ULK4: variants seen among roughly 807,000 people sequenced by gnomAD.
The protein encoded by ULK4 is inactive serine/threonine-protein kinase ULK4.
ULK4 carries 133 observed loss-of-function variants against 160.6 expected under a neutral mutation model. The observed-to-expected ratio is 0.83, with a 90% CI of 0.72 to 0.96. The LOEUF is 0.96. Among genes scored for constraint, ULK4 ranks in the 40% least tolerant of loss-of-function variants. The pLI, the probability that ULK4 is intolerant of heterozygous loss-of-function variation, is 0.00. For missense variants in ULK4, 1,580 were observed against 1,499.5 expected (o/e 1.05, Z -0.89); for synonymous variants, 534 against 539.8 (o/e 0.99, Z 0.15).
intron 23 of ULK4, 73 bp downstream of exon 23, chr3:41,717,655 A>C (rs907008190): frequency 1.3e-6 from 2 of 1,545,282 alleles, no homozygotes; most frequent in Non-Finnish European, 8.8e-7. Context: ...AATAAAAAAG[A>C]ACTGATGCCT....
chr3:41,693,884 G>A (rs2036396319), intron 27 of ULK4, among the ~76,000 whole-genome samples: 2 of 152,350 alleles, frequency 1.3e-5, no homozygotes, highest in South Asian at 2.1e-4. Flanking sequence ...CAAATCAACT[G>A]TACTTCAAAC....
intron 17 of ULK4, among the ~76,000 whole-genome samples, chr3:41,877,192 C>T (rs536370726): frequency 6.6e-6 from 1 of 152,142 alleles, no homozygotes; most frequent in African/African-American, 2.4e-5. Context: ...TACATATCAT[C>T]CAGTGGGTTA....
chr3:41,881,542 G>T (rs1441921769), intron 17 of ULK4, among the ~76,000 whole-genome samples: 1 of 152,110 alleles, frequency 6.6e-6, no homozygotes, highest in Non-Finnish European at 1.5e-5. Context: ...ACTAAAAAGT[G>T]TTGAGAAATA....
In ULK4 at chr3:41,312,201, C is replaced by T. The variant is rs370891035; in HGVS notation, c.3679-62627G>A. Among the ~76,000 whole-genome samples, 7 of 152,198 alleles carry T rather than the reference C, an allele frequency of 4.6e-5. No individual in the cohort carries two copies. The East Asian group carries it at 1.2e-3, about 25-fold the overall frequency. Reference sequence around the variant, plus strand: ...GTATTGCTCAGGCTGGTCTCAAATCCTGGCTTCAAGTGATCCTCCTGCCTC... The same window carrying T: ...GTATTGCTCAGGCTGGTCTCAAATCTTGGCTTCAAGTGATCCTCCTGCCTC... On this transcript the variant is annotated intron_variant, in intron 35 of 36. Coordinates refer to ENST00000301831, the MANE Select transcript of ULK4 (RefSeq NM_017886.4).
chr3:41,495,565 A>G (rs13080354), intron 32 of ULK4, among the ~76,000 whole-genome samples: 67,040 of 150,482 alleles, frequency 0.45, 15,744 homozygotes, highest in Admixed American at 0.52. Context: ...AACAAAGGAC[A>G]AAATTGACAA....
intron 32 of ULK4, among the ~76,000 whole-genome samples, chr3:41,513,413 G>A (rs535587606): frequency 4.7e-4 from 72 of 152,274 alleles, no homozygotes; most frequent in Non-Finnish European, 8.5e-4. Context: ...CAAGGTAGGC[G>A]GATCATGAGG....
intron 2 of ULK4, among the ~76,000 whole-genome samples, chr3:41,954,071 G>A (rs768947219): frequency 7.9e-5 from 12 of 151,676 alleles, no homozygotes; most frequent in Non-Finnish European, 1.3e-4. Context: ...ACAGCTACTC[G>A]GGAGGCTGAA....
intron 21 of ULK4, among the ~76,000 whole-genome samples, chr3:41,788,314 AGT>A (rs1485203356): frequency 6.6e-6 from 1 of 152,228 alleles, no homozygotes; most frequent in East Asian, 1.9e-4. Context: ...CATGGTAAAC[AGT>A]GTATTTAAGT....
At chr3:41,498,879 GCCAC>G (rs2085090323) in intron 32 of ULK4, among the ~76,000 whole-genome samples, 1 of 152,180 alleles carries the variant, frequency 6.6e-6, no homozygotes, top group African/African-American at 2.4e-5. Flanking sequence ...ACAGGCGTGA[GCCAC>G]TGTCTGGCCG....
intron 34 of ULK4, among the ~76,000 whole-genome samples, chr3:41,444,162 G>C (rs985739526): frequency 6.6e-6 from 1 of 152,084 alleles, no homozygotes; most frequent in Non-Finnish European, 1.5e-5. Flanking sequence ...CCCACAGCCA[G>C]CTTCCAACTT....
intron 19 of ULK4, among the ~76,000 whole-genome samples, chr3:41,812,218 G>C (rs1423385227): frequency 6.6e-6 from 1 of 152,174 alleles, no homozygotes. Flanking sequence ...CCAGGAGGTC[G>C]AGGCTGCAGT....
chr3:41,291,810 C>T (rs992529862), intron 35 of ULK4, among the ~76,000 whole-genome samples: 3 of 150,396 alleles, frequency 2.0e-5, no homozygotes, highest in South Asian at 2.1e-4. Context: ...ACATTCATCA[C>T]GTGGTCACTT....
rs1237418719 is a variant in ULK4, at chr3:41,911,579, T to C, written c.977A>G (p.His326Arg). 3 of 1,614,106 alleles carry C rather than the reference T, an allele frequency of 1.9e-6. No homozygotes were observed. The highest frequency in any genetic ancestry group is 1.7e-5 in the Admixed American group (1 of 60,026). ...GTGACCTAGTGGTTGACCACTCTTG[T>C]GCCCTTTTGCTTGTCTACTCTGAGA... The part of the protein sequence containing the change: ...QNSQSRQAKG[H>R]KSGQPLGHSF... The change falls in exon 10 of 37, where the codon CAC becomes CGC. Residue 326 changes from histidine to arginine, a missense_variant. His to Arg is a conservative substitution (Grantham distance 29). Coordinates refer to ENST00000301831, the MANE Select transcript of ULK4 (RefSeq NM_017886.4).
At chr3:41,577,575 C>T (rs796152747) in intron 31 of ULK4, among the ~76,000 whole-genome samples, 5 of 152,154 alleles carry the variant, frequency 3.3e-5, no homozygotes, top group Admixed American at 1.3e-4. Context: ...TCCATTCTTC[C>T]GCGCCCCCAT....
chr3:41,529,742 C>T (rs373121446), intron 32 of ULK4, among the ~76,000 whole-genome samples: 15 of 152,236 alleles, frequency 9.9e-5, no homozygotes, highest in African/African-American at 3.6e-4. Context: ...ATCCACCTGC[C>T]TCAGCCTCCC....
At chr3:41,408,244 C>T (rs1012001898) in intron 34 of ULK4, among the ~76,000 whole-genome samples, 5 of 151,304 alleles carry the variant, frequency 3.3e-5, no homozygotes, top group South Asian at 2.1e-4. Flanking sequence ...CTGGCTAACA[C>T]GGTGAAACCC....
At chr3:41,663,202 C>A (rs1259461638) in intron 30 of ULK4, among the ~76,000 whole-genome samples, 1 of 150,874 alleles carries the variant, frequency 6.6e-6, no homozygotes, top group East Asian at 1.9e-4. Flanking sequence ...GCCTGGGTGA[C>A]AGAGTAAGAC....
intron 34 of ULK4, among the ~76,000 whole-genome samples, chr3:41,431,370 TAA>T (rs954014839): frequency 4.9e-5 from 7 of 143,692 alleles, no homozygotes; most frequent in Admixed American, 1.4e-4. Flanking sequence ...ATAATAATAA[TAA>T]TAATAATAAT....
chr3:41,473,083 C>T (rs1286913780), intron 32 of ULK4, among the ~76,000 whole-genome samples: 2 of 152,054 alleles, frequency 1.3e-5, no homozygotes, highest in African/African-American at 4.8e-5. Flanking sequence ...CTCAACAAAT[C>T]AATGTACCTC....
Sources: allele counts gnomAD v4.1 joint callset (sites outside exome capture counted in the v4.1 genomes callset), GRCh38; gene constraint gnomAD v4.1.1; transcripts MANE v1.5; gene names NCBI Gene and HGNC (gene_info 2026-07-23, HGNC 2026-07-21).